TMEM63A: variants seen among roughly 807,000 people sequenced by gnomAD.
TMEM63A encodes the protein transmembrane protein 63A.
In TMEM63A, 76 loss-of-function variants were observed where a neutral mutation model predicts 100.6. That is an observed-to-expected ratio of 0.76 (90% CI 0.63 to 0.91). The LOEUF is 0.91. TMEM63A is among the 40% of genes least tolerant of loss of function. The pLI, the probability that TMEM63A is intolerant of heterozygous loss-of-function variation, is 0.00. For missense variants in TMEM63A, 876 were observed against 1,008.8 expected (o/e 0.87, Z 1.78); for synonymous variants, 401 against 401.1 (o/e 1.00, Z 0.00).
In TMEM63A at chr1:225,845,660, G is replaced by GGAGGCCTGCTGGGGAT. The variant is rs2102799338; in HGVS notation, c.*1263_*1278dup. ...GCCCCTCCTTGCTGGCAGAGGCACG[G>GGAGGCCTGCTGGGGAT]GAGGCCTGCTGGGGATGAGGCCACT... On this transcript the variant is annotated 3_prime_UTR_variant, in exon 25 of 25. Transcript: ENST00000366835. The GGAGGCCTGCTGGGGAT allele has an allele frequency of 2.1e-6, 1 of 474,620 alleles. No individual in the cohort carries two copies. The highest frequency in any genetic ancestry group is 3.9e-6 in the Non-Finnish European group (1 of 258,160). 29.4% of individuals were successfully genotyped at this position (474,620 alleles called of 1,614,324 possible).
At chr1:225,881,481 GAGCCCA>G (rs1414592032) in intron 1 of TMEM63A, among the ~76,000 whole-genome samples, 1 of 152,224 alleles carries the variant, frequency 6.6e-6, no homozygotes, top group Non-Finnish European at 1.5e-5. Flanking sequence ...TTCTCTGTTA[GAGCCCA>G]ACGAACAGCT....
chr1:225,872,129 C>T lies in TMEM63A; in HGVS notation c.267-76G>A, dbSNP rs1193078539. On this transcript the variant is annotated intron_variant, in intron 4 of 24. Coordinates refer to ENST00000366835, the MANE Select transcript of TMEM63A (RefSeq NM_014698.3). ...AAAGCCAAACAAGTCAAAAAGATCA[C>T]ATCCAGTATTTTGCTGCCTCTTGGA... is the stretch of plus-strand genomic sequence containing the variant. 7.7e-6 allele frequency: 9 copies of T among 1,170,904 alleles called. No individual in the cohort carries two copies. In the Admixed American group the frequency reaches 9.0e-5, roughly 12 times the overall value. The allele number at this position is 1,170,904 out of a possible 1,614,324, so 72.5% of individuals were successfully genotyped here.
At chr1:225,875,789 C>T (rs1274977612) in intron 3 of TMEM63A, among the ~76,000 whole-genome samples, 1 of 151,446 alleles carries the variant, frequency 6.6e-6, no homozygotes, top group African/African-American at 2.4e-5. Flanking sequence ...CCTGGCCGGG[C>T]ACCATGGCTC....
chr1:225,871,254 T>C (rs1670495799), intron 5 of TMEM63A, 141 bp from the exon 6 acceptor site: 1 of 812,032 alleles, frequency 1.2e-6, no homozygotes, highest in Admixed American at 2.2e-5. Flanking sequence ...TCAGCAAGCA[T>C]GAGCCCAGTA....
chr1:225,862,330 TGTA>T lies in TMEM63A; in HGVS notation c.970_972del (p.Tyr324del), dbSNP rs1381856148. 1 of 1,614,178 alleles carries T rather than the reference TGTA, an allele frequency of 6.2e-7. No homozygotes were observed. The highest frequency in any genetic ancestry group is 8.5e-7 in the Non-Finnish European group (1 of 1,180,034). On this transcript the variant is annotated inframe_deletion, in exon 13 of 25. Coordinates refer to ENST00000366835, the MANE Select transcript of TMEM63A (RefSeq NM_014698.3). This position sits in a 1 kb window ranked among gnomAD's most constrained non-coding sequence, Gnocchi z 5.1. Reference sequence around the variant, plus strand: ...TCCAGCAGCCTGTCCTTCATCCGTGTGTAGTAAGAGATGGCGTCTTCCTGCCAC... The same window carrying T: ...TCCAGCAGCCTGTCCTTCATCCGTGTGTAAGAGATGGCGTCTTCCTGCCAC...
rs367878173 is a variant in TMEM63A at position 225,856,718 on chromosome 1, A to G, written c.1505T>C (p.Met502Thr). 86 of 1,613,808 alleles carry G rather than the reference A, an allele frequency of 5.3e-5. No individual in the cohort carries two copies. Among genetic ancestry groups the G allele is most frequent in the Non-Finnish European group, 6.4e-5 (76 of 1,179,974 alleles). The change falls in exon 17 of 25, where the codon ATG becomes ACG. Residue 502 changes from methionine (M) to threonine (T), a missense_variant. Met to Thr is a moderately conservative substitution (Grantham distance 81). Transcript: ENST00000366835. ...HWTKSGENQI[M>T]MTKVYIFLIF... Reference sequence around the variant, plus strand: ...CAAGAATATGTAGACTTTGGTCATCATGATCTGGTTTTCCCCCGACCTGCA... The same window carrying G: ...CAAGAATATGTAGACTTTGGTCATCGTGATCTGGTTTTCCCCCGACCTGCA...
In TMEM63A at chr1:225,862,883, A is replaced by T. The variant is rs746221531; in HGVS notation, c.747-32T>A. 1.2e-6 allele frequency: 2 copies of T among 1,606,442 alleles called. No individual in the cohort carries two copies. Among genetic ancestry groups the T allele is most frequent in the South Asian group, 2.2e-5 (2 of 90,166 alleles). ...CCAGGGAGAGAAGGAGGCAAAAGAC[A>T]CCGTTGGAAAAGAAAACACCCCAAG... On this transcript the variant is annotated intron_variant, in intron 10 of 24. Coordinates refer to ENST00000366835, the MANE Select transcript of TMEM63A (RefSeq NM_014698.3). The surrounding 1 kb of genome is among the most constrained non-coding windows in gnomAD (Gnocchi z 5.1).
intron 21 of TMEM63A, among the ~76,000 whole-genome samples, chr1:225,849,493 G>C (rs1669213581): frequency 6.6e-6 from 1 of 152,184 alleles, no homozygotes; most frequent in East Asian, 1.9e-4. Flanking sequence ...GGCAAATCTG[G>C]ATCAGCTTCC....
At chr1:225,852,588 G>T (rs1669401307) in intron 20 of TMEM63A, 76 bp downstream of exon 20, 2 of 1,423,336 alleles carry the variant, frequency 1.4e-6, no homozygotes, top group South Asian at 1.2e-5. Flanking sequence ...CCTGGTGATA[G>T]CTGTCCCCGA....
chr1:225,857,483 G>A (rs1000532687), intron 15 of TMEM63A, among the ~76,000 whole-genome samples: 9 of 151,280 alleles, frequency 5.9e-5, no homozygotes, highest in African/African-American at 2.2e-4. Context: ...TTTGTTACTG[G>A]GATTACATGA....
intron 15 of TMEM63A, 22 bp from the exon 16 acceptor site, chr1:225,857,039 G>C (rs751615395): frequency 6.4e-7 from 1 of 1,553,528 alleles, no homozygotes; most frequent in South Asian, 1.2e-5. Context: ...GTCCACAGCA[G>C]AGAGAGTCAC....
chr1:225,845,085 G>T, downstream of TMEM63A: 1 of 1,569,384 alleles, frequency 6.4e-7, no homozygotes, highest in South Asian at 1.1e-5. Flanking sequence ...ACCCCCTGCT[G>T]TGCAGGACGG....
At chr1:225,859,415 A>G (rs1669821494) in intron 14 of TMEM63A, 66 bp from the exon 15 acceptor site, 3 of 1,592,558 alleles carry the variant, frequency 1.9e-6, no homozygotes, top group Non-Finnish European at 2.6e-6. Context: ...TAGGTGGGTC[A>G]GAAGGTCAGA....
intron 20 of TMEM63A, 115 bp from the exon 21 acceptor site, chr1:225,850,194 T>C (rs1256760821): frequency 5.6e-6 from 7 of 1,255,346 alleles, no homozygotes; most frequent in Non-Finnish European, 7.8e-6. Context: ...GCTGCTGCTC[T>C]ACTGCCTGAA....
At position 225,849,994 on chromosome 1, in the gene TMEM63A, G is replaced by A. The variant is rs202044255; in HGVS notation, c.1989C>T (p.Ile663=). ...AGGCCTGGTTCACAGCGGCAAAGTG[G>A]ATCCCCTTCTCCAGCTTGGCTGGGA... ...VYLPAKLEKG[I]HFAAVNQALA... The change falls in exon 21 of 25, where the codon ATC becomes ATT. Residue 663 remains isoleucine (I), a synonymous_variant. Transcript: ENST00000366835. The A allele has an allele frequency of 8.1e-6, 13 of 1,614,120 alleles. No individual in the cohort carries two copies. The highest frequency in any genetic ancestry group is 1.7e-5 in the Admixed American group (1 of 60,012).
chr1:225,862,529 T>C lies in TMEM63A; in HGVS notation c.877A>G (p.Thr293Ala). ...LTYYTNLQVK[T>A]GQRTLINPKP... ...GGGTTGATGAGGGTCCGCTGGCCTG[T>C]CTTCACCTGCAGGTTTGTGTAATAG... The change falls in exon 12 of 25, where the codon ACA becomes GCA. Residue 293 changes from threonine to alanine, a missense_variant. Thr to Ala is a moderately conservative substitution (Grantham distance 58). Around this residue, in one of 5 missense-constraint regions of TMEM63A, gnomAD observed 487 missense variants for 581.9 expected, o/e 0.84. Transcript: ENST00000366835. This position sits in a 1 kb window ranked among gnomAD's most constrained non-coding sequence, Gnocchi z 5.1. 8 of 1,614,086 alleles carry C rather than the reference T, an allele frequency of 5.0e-6. No individual in the cohort carries two copies. Among genetic ancestry groups the C allele is most frequent in the Non-Finnish European group, 6.8e-6 (8 of 1,179,998 alleles).
chr1:225,867,053 G>A lies in TMEM63A; in HGVS notation c.566+59C>T. 1 of 1,595,098 alleles carries A rather than the reference G, an allele frequency of 6.3e-7. No homozygotes were observed. The highest frequency in any genetic ancestry group is 1.3e-5 in the African/African-American group (1 of 74,536). The stretch of plus-strand genomic sequence containing the variant: ...TACCTCTGGCCTGCCCCGGGCTCCT[G>A]ACCTGCCTTCTCCTTGATCTCACCC... On this transcript the variant is annotated intron_variant, in intron 8 of 24. Transcript: ENST00000366835. This position sits in a 1 kb window ranked among gnomAD's most constrained non-coding sequence, Gnocchi z 4.6.
intron 1 of TMEM63A, among the ~76,000 whole-genome samples, chr1:225,881,104 C>T (rs904171358): frequency 1.6e-4 from 23 of 142,754 alleles, no homozygotes; most frequent in African/African-American, 6.0e-4. Flanking sequence ...CAACACCAAA[C>T]AGGACCCAGT....
downstream of TMEM63A, among the ~76,000 whole-genome samples, chr1:225,842,212 T>C (rs1341602925): frequency 1.3e-5 from 2 of 152,220 alleles, no homozygotes; most frequent in East Asian, 1.9e-4. Context: ...AAGCGAGGCA[T>C]GTGAGCACCC....
Sources: allele counts gnomAD v4.1 joint callset (sites outside exome capture counted in the v4.1 genomes callset), GRCh38; gene constraint gnomAD v4.1.1; regional missense constraint gnomAD v4.1.1; non-coding constraint Gnocchi (gnomAD v3.1); transcripts MANE v1.5; gene names NCBI Gene and HGNC (gene_info 2026-07-23, HGNC 2026-07-21).